ITGAV: variants seen among roughly 807,000 people sequenced by gnomAD.
ITGAV encodes integrin subunit alpha V.
In ITGAV, 76 loss-of-function variants were observed where a neutral mutation model predicts 143.8. The ratio of observed to expected loss-of-function variants is 0.53; its 90% CI spans 0.44 to 0.64. ITGAV has a LOEUF of 0.64. Among genes scored for constraint, ITGAV ranks in the 30% least tolerant of loss-of-function variants. ITGAV has a pLI of 0.00. For missense variants in ITGAV, 1,193 were observed against 1,274.7 expected, an observed-to-expected ratio of 0.94 and a Z score of 0.98; for synonymous variants, 453 against 446.7, an observed-to-expected ratio of 1.01 and a Z score of -0.18.
At chr2:186,645,170 TATA>T (rs1271024035) in intron 12 of ITGAV, among the ~76,000 whole-genome samples, 3 of 151,910 alleles carry the variant, frequency 2.0e-5, no homozygotes, top group Non-Finnish European at 2.9e-5. Flanking sequence ...GGCAAGGTAA[TATA>T]ATAGAGTTTC....
At chr2:186,649,360 C>G (rs1352333336) in intron 13 of ITGAV, among the ~76,000 whole-genome samples, 2 of 151,282 alleles carry the variant, frequency 1.3e-5, no homozygotes, top group African/African-American at 4.9e-5. Flanking sequence ...TTGACTTTTT[C>G]TGAATCGTGA....
At chr2:186,659,845 A>T (rs1688695905) in intron 18 of ITGAV, among the ~76,000 whole-genome samples, 3 of 150,466 alleles carry the variant, frequency 2.0e-5, no homozygotes, top group African/African-American at 4.9e-5. Context: ...AAATATTTTT[A>T]AAAGTCTTTT....
chr2:186,646,890 C>A lies in ITGAV; in HGVS notation c.1351+13C>A, dbSNP rs200764868. 3.2e-6 allele frequency: 5 copies of A among 1,555,412 alleles called. No individual in the cohort carries two copies. Among genetic ancestry groups the A allele is most frequent in the Admixed American group, 3.6e-5 (2 of 54,896 alleles). On this transcript the variant is annotated intron_variant, in intron 13 of 29. Coordinates refer to ENST00000261023, the MANE Select transcript of ITGAV (RefSeq NM_002210.5). ...AATGGATATCCAGGTGCTTTCTTAT[C>A]AACACATAGAGCCCTTAGATTTTTC...
chr2:186,637,146 A>G, intron 8 of ITGAV, 37 bp downstream of exon 8: 1 of 1,522,546 alleles, frequency 6.6e-7, no homozygotes, highest in Non-Finnish European at 9.1e-7. Context: ...TCTTTAAAAA[A>G]ATTAGATTAA....
intron 1 of ITGAV, chr2:186,600,257 G>A: frequency 7.5e-7 from 1 of 1,328,710 alleles, no homozygotes; most frequent in Non-Finnish European, 1.0e-6. Flanking sequence ...TTCTACCTCT[G>A]CCTCACATAT....
At chr2:186,631,334 G>A (rs923828399) in intron 5 of ITGAV, among the ~76,000 whole-genome samples, 2 of 152,128 alleles carry the variant, frequency 1.3e-5, no homozygotes, top group Non-Finnish European at 2.9e-5. Flanking sequence ...CTTATGTAAT[G>A]TGTAATAATT....
intron 24 of ITGAV, chr2:186,668,481 C>T (rs1028691900): frequency 2.9e-5 from 9 of 311,084 alleles, no homozygotes; most frequent in African/African-American, 1.2e-4. Flanking sequence ...TCAAGAGATC[C>T]GCCCGCCTCG....
At position 186,656,379 on chromosome 2, in the gene ITGAV, A is replaced by T; in HGVS notation, c.1697A>T (p.Glu566Val). ...TISRGGLMQC[E>V]ELIAYLRDES... ...TCAAGGGGGGGACTGATGCAGTGTG[A>T]GGAATTGATAGCGTATCTGCGGGTA... The change falls in exon 17 of 30, where the codon GAG becomes GTG. Residue 566 changes from glutamate (E) to valine (V), a missense_variant. Coordinates refer to ENST00000261023, the MANE Select transcript of ITGAV (RefSeq NM_002210.5). 2 of 1,511,954 alleles carry T rather than the reference A, an allele frequency of 1.3e-6. No homozygotes were observed. The highest frequency in any genetic ancestry group is 1.8e-6 in the Non-Finnish European group (2 of 1,137,768). The allele number at this position is 1,511,954 out of a possible 1,614,324, so 93.7% of individuals were successfully genotyped here.
At position 186,643,780 on chromosome 2, in the gene ITGAV, A is replaced by G. The variant is rs890895266; in HGVS notation, c.1159+2192A>G. Reference sequence around the variant, plus strand: ...ATGATCAAAGGAAGAAATCAATTGCATGAATGTGTAGGATTTTCCAGACTC... The same window carrying G: ...ATGATCAAAGGAAGAAATCAATTGCGTGAATGTGTAGGATTTTCCAGACTC... On this transcript the variant is annotated intron_variant, in intron 12 of 29. Coordinates refer to ENST00000261023, the MANE Select transcript of ITGAV (RefSeq NM_002210.5). 9.8e-5 allele frequency among the ~76,000 whole-genome samples: 15 copies of G among 152,328 alleles called. No individual in the cohort carries two copies. In the South Asian group the frequency reaches 1.7e-3, roughly 17 times the overall value.
intron 23 of ITGAV, 144 bp downstream of exon 23, chr2:186,667,374 C>A: frequency 3.2e-6 from 2 of 622,496 alleles, no homozygotes; most frequent in Admixed American, 6.4e-5. Flanking sequence ...GAAATAAAAT[C>A]CTAGGTATGT....
At chr2:186,648,639 A>T (rs1688328417) in intron 13 of ITGAV, among the ~76,000 whole-genome samples, 1 of 151,786 alleles carries the variant, frequency 6.6e-6, no homozygotes, top group Admixed American at 6.6e-5. Flanking sequence ...TAATTTTTGT[A>T]TTTTTAGTAG....
At chr2:186,671,606 TTTTC>T (rs1188159946) in intron 26 of ITGAV, among the ~76,000 whole-genome samples, 4 of 152,200 alleles carry the variant, frequency 2.6e-5, no homozygotes, top group Non-Finnish European at 5.9e-5. Flanking sequence ...TCAGAATCTG[TTTTC>T]TTTAATTGAG....
At chr2:186,596,022 A>AT (rs1456447872) in intron 1 of ITGAV, among the ~76,000 whole-genome samples, 1 of 152,122 alleles carries the variant, frequency 6.6e-6, no homozygotes. Context: ...TAAGTTTTAC[A>AT]TTTTCTACTC....
intron 4 of ITGAV, among the ~76,000 whole-genome samples, chr2:186,628,143 T>G (rs750670838): frequency 4.6e-5 from 7 of 152,186 alleles, no homozygotes; most frequent in Non-Finnish European, 1.0e-4. Context: ...ACAAAAAACT[T>G]CTGAGGTATA....
chr2:186,656,218 G>C (rs1421310998), intron 16 of ITGAV, 29 bp from the exon 17 acceptor site: 1 of 1,542,958 alleles, frequency 6.5e-7, no homozygotes, highest in Non-Finnish European at 8.7e-7. Context: ...TAAAGAATAT[G>C]TTGGTTATAA....
At chr2:186,600,294 C>T (rs1422222125) in intron 1 of ITGAV, 2 of 1,530,696 alleles carry the variant, frequency 1.3e-6, no homozygotes, top group Non-Finnish European at 1.8e-6. Context: ...TTCCACTTCC[C>T]TCATCCCCAC....
chr2:186,613,721 C>G (rs10176423), intron 2 of ITGAV, among the ~76,000 whole-genome samples: 3,598 of 152,174 alleles, frequency 0.024, 153 homozygotes, highest in African/African-American at 0.082. Context: ...GTTAATAGTA[C>G]TAGTTCTAAT....
chr2:186,591,071 T>A (rs1400424108), intron 1 of ITGAV, among the ~76,000 whole-genome samples: 3 of 152,218 alleles, frequency 2.0e-5, no homozygotes, highest in Non-Finnish European at 4.4e-5. Context: ...ACTGTCCTAT[T>A]GAATTCATTG....
intron 28 of ITGAV, among the ~76,000 whole-genome samples, chr2:186,676,568 G>A (rs1479553043): frequency 6.6e-6 from 1 of 152,060 alleles, no homozygotes; most frequent in Admixed American, 6.6e-5. Flanking sequence ...CTACATACTG[G>A]GCGAGACTCT....
Sources: gnomAD v4.1 joint callset for allele counts (sites outside exome capture counted in the v4.1 genomes callset) on GRCh38, gnomAD v4.1.1 for gene constraint, MANE v1.5 for transcripts, NCBI Gene and HGNC (gene_info 2026-07-23, HGNC 2026-07-21) for gene names.